The following TANC2 variants were observed in gnomAD, a reference collection of about 807,000 sequenced individuals.
TANC2 encodes tetratricopeptide repeat, ankyrin repeat and coiled-coil containing 2.
A neutral mutation model predicts 210.5 loss-of-function variants in TANC2; 26 were observed. The ratio of observed to expected loss-of-function variants is 0.12; its 90% CI spans 0.09 to 0.17. The LOEUF (loss-of-function observed/expected upper bound fraction) is 0.17, where lower values mean the gene tolerates loss of function less well. TANC2 is among the 10% of genes least tolerant of loss of function. The pLI, the probability that TANC2 is intolerant of heterozygous loss-of-function variation, is 1.00. For synonymous variants in TANC2, 931 were observed against 967.1 expected (o/e 0.96, Z 0.69); for missense variants, 2,129 against 2,608.9 (o/e 0.82, Z 4.01).
chr17:63,415,309 G>T (rs917442292), intron 25 of TANC2, among the ~76,000 whole-genome samples: 2 of 152,194 alleles, frequency 1.3e-5, no homozygotes. Flanking sequence ...TGTATCTTGG[G>T]TATCCCCTCA....
chr17:63,105,565 A>T (rs2037792570), intron 4 of TANC2, among the ~76,000 whole-genome samples: 1 of 151,740 alleles, frequency 6.6e-6, no homozygotes, highest in African/African-American at 2.4e-5. Context: ...GAATTTTATG[A>T]TGGGAAAAAA....
chr17:63,125,216 T>C (rs1039734181), intron 4 of TANC2: 2 of 152,176 alleles, frequency 1.3e-5, no homozygotes, highest in Non-Finnish European at 2.9e-5. Flanking sequence ...ATCTGTGAAA[T>C]GAGTATAACA....
intron 5 of TANC2, among the ~76,000 whole-genome samples, chr17:63,174,599 C>G (rs2040514634): frequency 6.6e-6 from 1 of 152,162 alleles, no homozygotes. Context: ...CCCTGGTAAC[C>G]TGCTTTGATA....
intron 13 of TANC2, 26 bp from the exon 14 acceptor site, chr17:63,354,757 C>T: frequency 9.8e-6 from 15 of 1,531,850 alleles, no homozygotes; most frequent in Admixed American, 2.2e-5. Flanking sequence ...GTCTTTCTGT[C>T]TCTTTCTCTC....
At chr17:63,320,010 T>C (rs1034406079) in intron 11 of TANC2, among the ~76,000 whole-genome samples, 2 of 152,230 alleles carry the variant, frequency 1.3e-5, no homozygotes, top group East Asian at 1.9e-4. Context: ...ATGGGAATTA[T>C]AGTTGTTTCA....
At chr17:63,002,625 AG>A (rs1162213803) in intron 1 of TANC2, among the ~76,000 whole-genome samples, 3 of 152,226 alleles carry the variant, frequency 2.0e-5, no homozygotes, top group African/African-American at 7.2e-5. Flanking sequence ...CATCCTAGAA[AG>A]GTTCCTCGTG....
Position 63,420,150 on chromosome 17 carries a change from C to T in TANC2, c.4420C>T (p.Gln1474Ter). The stretch of plus-strand genomic sequence containing the variant: ...ACCGCCGCCACCGCAGCCTCAGCAG[C>T]AGTTGCCGGAAGAAGCAGAACCTGA... Residue 1474 changes from glutamine to a stop codon, truncating the protein, a stop_gained, in exon 28 of 28, where the codon CAG becomes TAG. Transcript: ENST00000689528. LOFTEE classifies it high-confidence loss of function. The surrounding 1 kb of genome is among the most constrained non-coding windows in gnomAD (Gnocchi z 4.2). The T allele has an allele frequency of 6.4e-7, 1 of 1,560,294 alleles. No homozygotes were observed. Among genetic ancestry groups the T allele is most frequent in the Non-Finnish European group, 8.7e-7 (1 of 1,151,640 alleles).
intron 8 of TANC2, among the ~76,000 whole-genome samples, chr17:63,254,700 A>G (rs2043140968): frequency 6.6e-6 from 1 of 152,198 alleles, no homozygotes; most frequent in East Asian, 1.9e-4. Flanking sequence ...GTTGAACTTT[A>G]GCAAATGCTT....
At chr17:63,244,459 G>A (rs2042861463) in intron 8 of TANC2, among the ~76,000 whole-genome samples, 1 of 152,088 alleles carries the variant, frequency 6.6e-6, no homozygotes. Flanking sequence ...CAGCTGATCT[G>A]GGGACAATGG....
At chr17:62,991,161 A>C (rs1000498710) in intron 1 of TANC2, among the ~76,000 whole-genome samples, 5 of 152,156 alleles carry the variant, frequency 3.3e-5, no homozygotes, top group African/African-American at 1.2e-4. Flanking sequence ...TGGGAGAGTG[A>C]TTGAAATGAC....
chr17:63,341,486 T>C (rs879298542), intron 12 of TANC2, among the ~76,000 whole-genome samples: 2 of 152,240 alleles, frequency 1.3e-5, no homozygotes, highest in African/African-American at 4.8e-5. Context: ...CTCATCCTGG[T>C]CTTTCCTGGT....
chr17:63,196,522 C>G (rs2041351531), intron 6 of TANC2, among the ~76,000 whole-genome samples: 1 of 152,170 alleles, frequency 6.6e-6, no homozygotes, highest in African/African-American at 2.4e-5. Flanking sequence ...ACAGTGATTT[C>G]TGCATAAAGT....
intron 5 of TANC2, among the ~76,000 whole-genome samples, chr17:63,166,153 C>G (rs1315437746): frequency 6.6e-6 from 1 of 152,108 alleles, no homozygotes; most frequent in Non-Finnish European, 1.5e-5. Context: ...ATTCCAGTTT[C>G]CAATGGGAGA....
chr17:63,360,753 C>A (rs998077560), intron 14 of TANC2, among the ~76,000 whole-genome samples: 1 of 152,008 alleles, frequency 6.6e-6, no homozygotes, highest in African/African-American at 2.4e-5. Context: ...TGTTTTGTAC[C>A]CATTAGCCAT....
chr17:63,353,702 A>G (rs2046691460), intron 13 of TANC2, among the ~76,000 whole-genome samples: 1 of 152,030 alleles, frequency 6.6e-6, no homozygotes, highest in African/African-American at 2.4e-5. Flanking sequence ...AAAAAAGGGA[A>G]GGTTAAAAGT....
At chr17:63,275,372 A>G (rs1466941611) in intron 9 of TANC2, among the ~76,000 whole-genome samples, 1 of 152,156 alleles carries the variant, frequency 6.6e-6, no homozygotes, top group African/African-American at 2.4e-5. Flanking sequence ...TCATTGGCAG[A>G]ATTTATGTGA....
chr17:63,092,579 T>C (rs2037238806), intron 3 of TANC2, among the ~76,000 whole-genome samples: 1 of 152,094 alleles, frequency 6.6e-6, no homozygotes. Context: ...GGAATCATGG[T>C]GCTGGCATCT....
chr17:63,317,844 G>A (rs890327733), intron 10 of TANC2, among the ~76,000 whole-genome samples: 5 of 152,218 alleles, frequency 3.3e-5, no homozygotes, highest in African/African-American at 1.2e-4. Context: ...TAGCTAGAAA[G>A]ACAGAGGGCA....
chr17:63,194,106 C>A, exon 6 of TANC2: 1 of 1,613,404 alleles, frequency 6.2e-7, no homozygotes, highest in Non-Finnish European at 8.5e-7. Context: ...AGCCAGGTGA[C>A]CAATACAGCA....
Sources: gnomAD v4.1 joint callset for allele counts (sites outside exome capture counted in the v4.1 genomes callset) on GRCh38, gnomAD v4.1.1 for gene constraint, Gnocchi (gnomAD v3.1) non-coding constraint, MANE v1.5 for transcripts, NCBI Gene and HGNC (gene_info 2026-07-23, HGNC 2026-07-21) for gene names.